Variants in RGS7 observed in about 807,000 individuals in gnomAD.
RGS7 encodes the protein regulator of G protein signaling 7.
A neutral mutation model predicts 81.1 loss-of-function variants in RGS7; 27 were observed. The observed-to-expected ratio is 0.33, with a 90% CI of 0.25 to 0.46. RGS7 has a LOEUF of 0.46. RGS7 is among the 20% of genes least tolerant of loss of function. The probability of loss-of-function intolerance (pLI) is 1.00; values close to 1 mark genes in which losing one functional copy is unlikely to be tolerated. For missense variants in RGS7, 396 were observed against 607.4 expected, an observed-to-expected ratio of 0.65 and a Z score of 3.66; for synonymous variants, 208 against 207.7, an observed-to-expected ratio of 1.00 and a Z score of -0.01.
intron 14 of RGS7, 46 bp downstream of exon 14, chr1:240,811,872 C>CA (rs1558289403): frequency 6.6e-7 from 1 of 1,518,240 alleles, no homozygotes; most frequent in Non-Finnish European, 9.2e-7. Context: ...AGACACATCA[C>CA]AGACAGTATT....
chr1:241,310,514 G>A (rs1487787364), intron 2 of RGS7, among the ~76,000 whole-genome samples: 3 of 151,426 alleles, frequency 2.0e-5, no homozygotes, highest in Admixed American at 6.6e-5. Context: ...GTGAGACAGA[G>A]GAAGAAAATA....
At chr1:240,985,350 C>T (rs1361569868) in intron 3 of RGS7, among the ~76,000 whole-genome samples, 1 of 152,192 alleles carries the variant, frequency 6.6e-6, no homozygotes, top group African/African-American at 2.4e-5. Context: ...CAGGACTATA[C>T]ATATTTTTTA....
At chr1:241,161,765 T>G (rs1049698344) in intron 2 of RGS7, among the ~76,000 whole-genome samples, 29 of 150,204 alleles carry the variant, frequency 1.9e-4, no homozygotes, top group Admixed American at 5.3e-4. Flanking sequence ...TTGCTCAGGC[T>G]GGAGTGCAAT....
At chr1:241,139,307 C>T (rs1387342127) in intron 2 of RGS7, among the ~76,000 whole-genome samples, 1 of 150,174 alleles carries the variant, frequency 6.7e-6, no homozygotes, top group Non-Finnish European at 1.5e-5. Context: ...TCCTTCCTTC[C>T]TTCCTTCCTT....
At chr1:241,340,606 A>G (rs1246721073) in intron 2 of RGS7, among the ~76,000 whole-genome samples, 4 of 152,148 alleles carry the variant, frequency 2.6e-5, no homozygotes, top group African/African-American at 9.7e-5. Flanking sequence ...ATTTTTCTTA[A>G]TTACGCTTCA....
chr1:241,134,455 C>T (rs2067346528), intron 2 of RGS7, among the ~76,000 whole-genome samples: 1 of 152,146 alleles, frequency 6.6e-6, no homozygotes, highest in African/African-American at 2.4e-5. Context: ...ATATAAAATG[C>T]AATTATTATT....
chr1:241,048,195 TTAGATCCGTCTATGTTCG>T (rs1235396993), intron 3 of RGS7, among the ~76,000 whole-genome samples: 1 of 152,142 alleles, frequency 6.6e-6, no homozygotes, highest in Non-Finnish European at 1.5e-5. Flanking sequence ...TATTTCCACT[TTAGATCCGTCTATGTTCG>T]TAACCCTGGG....
At chr1:241,304,505 A>G (rs1157957386) in intron 2 of RGS7, among the ~76,000 whole-genome samples, 2 of 152,088 alleles carry the variant, frequency 1.3e-5, no homozygotes, top group East Asian at 3.9e-4. Context: ...GATGGTTAAT[A>G]GGTTTTATCA....
intron 18 of RGS7, among the ~76,000 whole-genome samples, chr1:240,782,756 T>C (rs1207970132): frequency 2.0e-5 from 3 of 152,046 alleles, no homozygotes; most frequent in African/African-American, 7.2e-5. Context: ...AGTTTTAAAG[T>C]CTTAATTCCA....
At chr1:240,777,407 C>T (rs1444721371) in intron 18 of RGS7, among the ~76,000 whole-genome samples, 1 of 152,080 alleles carries the variant, frequency 6.6e-6, no homozygotes, top group East Asian at 1.9e-4. Context: ...AATTTTTGTA[C>T]ATCTCAGAAG....
chr1:240,973,754 T>G (rs975013145), intron 4 of RGS7, among the ~76,000 whole-genome samples: 4 of 151,702 alleles, frequency 2.6e-5, no homozygotes, highest in Admixed American at 2.0e-4. Flanking sequence ...CGCGCCCGGC[T>G]AATTTTTTTT....
intron 3 of RGS7, among the ~76,000 whole-genome samples, chr1:241,026,316 G>A (rs972506913): frequency 3.3e-5 from 5 of 152,078 alleles, no homozygotes; most frequent in African/African-American, 4.8e-5. Context: ...TGCCGGGTGC[G>A]GTGACTCCTG....
rs60911948 is a variant in RGS7, at chr1:240,960,217, C to CTTCTTCTTTTTTT, written c.226+22861_226+22862insAAAAAAAGAAGAA. ...TTTTCTTCTTCTTCCTCTTCTTCTT[C>CTTCTTCTTTTTTT]TTTTTTTTTTTTTTTTTGTTGTTGT... On this transcript the variant is annotated intron_variant, in intron 4 of 18. Transcript: ENST00000440928. Among the ~76,000 whole-genome samples the CTTCTTCTTTTTTT allele has an allele frequency of 7.0e-3, 63 of 8,958 alleles. 2 individuals carry two copies. Among genetic ancestry groups the CTTCTTCTTTTTTT allele is most frequent in the African/African-American group, 0.022 (58 of 2,664 alleles). The allele number at this position is 8,958 out of a possible 152,430, so 5.9% of individuals were successfully genotyped here.
chr1:241,037,658 T>G (rs557527569), intron 3 of RGS7, among the ~76,000 whole-genome samples: 1 of 150,080 alleles, frequency 6.7e-6, no homozygotes, highest in East Asian at 2.0e-4. Flanking sequence ...GACGTGGAGG[T>G]TGCAGTGAGC....
chr1:241,276,483 T>C (rs369128011), intron 2 of RGS7, among the ~76,000 whole-genome samples: 3 of 152,308 alleles, frequency 2.0e-5, no homozygotes, highest in East Asian at 3.9e-4. Context: ...GAAGTGATAG[T>C]TTTATTTCCA....
intron 9 of RGS7, among the ~76,000 whole-genome samples, chr1:240,862,815 GATAGTGATTGCTTC>G (rs57344139): frequency 0.018 from 2,708 of 152,114 alleles, 87 homozygotes; most frequent in African/African-American, 0.06. Flanking sequence ...TTTTAAAATT[GATAGTGATTGCTTC>G]ATAGTTTTTC....
chr1:241,190,314 T>C (rs10802932), intron 2 of RGS7, among the ~76,000 whole-genome samples: 76,728 of 151,898 alleles, frequency 0.51, 19,574 homozygotes, highest in Middle Eastern at 0.54. Context: ...TTTAGTTCCT[T>C]TGAATTTTCA....
At chr1:241,330,667 G>C (rs188482843) in intron 2 of RGS7, among the ~76,000 whole-genome samples, 84 of 152,212 alleles carry the variant, frequency 5.5e-4, no homozygotes, top group Non-Finnish European at 8.8e-4. Flanking sequence ...TACCCCTATA[G>C]CTATATTTGT....
At chr1:241,295,574 C>G (rs1238849452) in intron 2 of RGS7, among the ~76,000 whole-genome samples, 1 of 152,140 alleles carries the variant, frequency 6.6e-6, no homozygotes, top group African/African-American at 2.4e-5. Flanking sequence ...TAAGAAAACA[C>G]AGGCCACGTC....
Sources: gnomAD v4.1 joint callset for allele counts (sites outside exome capture counted in the v4.1 genomes callset) on GRCh38, gnomAD v4.1.1 for gene constraint, MANE v1.5 for transcripts, NCBI Gene and HGNC (gene_info 2026-07-23, HGNC 2026-07-21) for gene names.